Variants in REDIC1 observed in about 807,000 individuals in gnomAD.
REDIC1 encodes the protein HEI10 Interacting Protein 1.
the REDIC1 span, among the ~76,000 whole-genome samples, chr12:39,860,284 A>C: frequency 1.3e-5 from 2 of 152,244 alleles, no homozygotes; most frequent in East Asian, 3.8e-4. Flanking sequence ...GCCTTCCAGC[A>C]TGAATAGCTT....
At chr12:39,775,178 AAGGGT>A in the REDIC1 span, among the ~76,000 whole-genome samples, 1 of 152,116 alleles carries the variant, frequency 6.6e-6, no homozygotes, top group Admixed American at 6.5e-5. Flanking sequence ...CCCACAATGG[AAGGGT>A]AGTTAATGCA....
At chr12:39,853,550 T>C in the REDIC1 span, among the ~76,000 whole-genome samples, 1 of 147,394 alleles carries the variant, frequency 6.8e-6, no homozygotes, top group African/African-American at 2.7e-5. Context: ...TTTTCTTTTC[T>C]TTCTTTCTTT....
chr12:39,785,934 T>C, the REDIC1 span, among the ~76,000 whole-genome samples: 1 of 152,216 alleles, frequency 6.6e-6, no homozygotes, highest in Admixed American at 6.5e-5. Flanking sequence ...ATCCTCATTG[T>C]ATTTAGGAAG....
the REDIC1 span, among the ~76,000 whole-genome samples, chr12:39,903,720 C>T: frequency 2.0e-5 from 3 of 152,102 alleles, no homozygotes; most frequent in African/African-American, 4.8e-5. Flanking sequence ...GAAATGGAGA[C>T]ATCATTTGAG....
the REDIC1 span, among the ~76,000 whole-genome samples, chr12:39,711,439 G>C: frequency 1.6e-5 from 1 of 61,006 alleles, no homozygotes; most frequent in African/African-American, 4.4e-5. Flanking sequence ...ATATGTATAT[G>C]TGTGTACATA....
the REDIC1 span, among the ~76,000 whole-genome samples, chr12:39,665,387 G>T: frequency 2.0e-5 from 3 of 152,012 alleles, no homozygotes; most frequent in Admixed American, 2.0e-4. Flanking sequence ...GGTTGTAGAT[G>T]TGTGGCATTA....
the REDIC1 span, among the ~76,000 whole-genome samples, chr12:39,690,872 T>C: frequency 1.2e-4 from 19 of 152,204 alleles, no homozygotes. Context: ...TTTAGGAAGA[T>C]CTTTGCTGTC....
chr12:39,897,673 A>C, the REDIC1 span, among the ~76,000 whole-genome samples: 1 of 152,196 alleles, frequency 6.6e-6, no homozygotes, highest in African/African-American at 2.4e-5. Context: ...ATTTAATTTC[A>C]GTGAATTTTC....
the REDIC1 span, among the ~76,000 whole-genome samples, chr12:39,730,838 C>T: frequency 6.6e-6 from 1 of 152,026 alleles, no homozygotes; most frequent in African/African-American, 2.4e-5. Flanking sequence ...TTCTTGGAGG[C>T]TTTGTTCATT....
the REDIC1 span, among the ~76,000 whole-genome samples, chr12:39,712,750 C>G: frequency 7.1e-6 from 1 of 141,156 alleles, no homozygotes; most frequent in Admixed American, 7.2e-5. Flanking sequence ...GACGTGTACA[C>G]ATATGTGTAT....
the REDIC1 span, among the ~76,000 whole-genome samples, chr12:39,687,300 T>C: frequency 6.6e-6 from 1 of 152,218 alleles, no homozygotes; most frequent in African/African-American, 2.4e-5. Flanking sequence ...TAAAAAATAC[T>C]TGAGACTGGG....
the REDIC1 span, among the ~76,000 whole-genome samples, chr12:39,760,953 A>AACACACACACAC: frequency 3.2e-4 from 32 of 101,576 alleles, no homozygotes; most frequent in Middle Eastern, 5.0e-3. Context: ...GTCTCTACCA[A>AACACACACACAC]ACACACACAC....
the REDIC1 span, among the ~76,000 whole-genome samples, chr12:39,794,938 C>G: frequency 6.6e-6 from 1 of 152,122 alleles, no homozygotes; most frequent in Non-Finnish European, 1.5e-5. Context: ...TTTTTCCACC[C>G]TCCTTAGCTG....
chr12:39,800,551 A>C, the REDIC1 span, among the ~76,000 whole-genome samples: 936 of 108,562 alleles, frequency 8.6e-3, 15 homozygotes, highest in African/African-American at 0.032. Context: ...ATGAGATATC[A>C]TCTCACACCA....
At chr12:39,766,672 C>T in the REDIC1 span, among the ~76,000 whole-genome samples, 2 of 152,078 alleles carry the variant, frequency 1.3e-5, no homozygotes, top group Non-Finnish European at 2.9e-5. Context: ...AACTCTGCTA[C>T]TGCTTTGTCA....
the REDIC1 span, among the ~76,000 whole-genome samples, chr12:39,827,909 A>G: frequency 2.6e-5 from 4 of 152,042 alleles, no homozygotes; most frequent in Admixed American, 6.6e-5. Flanking sequence ...ACAGTTAGAG[A>G]TCAGGATATA....
the REDIC1 span, among the ~76,000 whole-genome samples, chr12:39,702,773 G>T: frequency 2.7e-5 from 4 of 149,780 alleles, no homozygotes; most frequent in East Asian, 7.7e-4. Flanking sequence ...TGCAAGGCTG[G>T]TTCAATATAC....
chr12:39,674,998 C>T, the REDIC1 span, among the ~76,000 whole-genome samples: 25 of 152,292 alleles, frequency 1.6e-4, no homozygotes, highest in South Asian at 4.8e-3. Flanking sequence ...GGGAGCCCTG[C>T]TTGCTTTCTT....
chr12:39,671,663 G>GTGGTAGCTTT, the REDIC1 span, among the ~76,000 whole-genome samples: 1 of 152,104 alleles, frequency 6.6e-6, no homozygotes, highest in Non-Finnish European at 1.5e-5. Flanking sequence ...GTTGGTGATA[G>GTGGTAGCTTT]TGGTAGCTTT....
Sources: allele counts gnomAD v4.1 joint callset (sites outside exome capture counted in the v4.1 genomes callset), GRCh38; gene constraint gnomAD v4.1.1; transcripts MANE v1.5; gene names NCBI Gene and HGNC (gene_info 2026-07-23, HGNC 2026-07-21).